The following COL4A5 variants were observed in gnomAD, a reference collection of about 807,000 sequenced individuals.
COL4A5 encodes collagen type IV alpha 5 chain.
A neutral mutation model predicts 130.2 loss-of-function variants in COL4A5; 26 were observed. The ratio of observed to expected loss-of-function variants is 0.20; its 90% CI spans 0.15 to 0.28. The LOEUF is 0.28. Among genes scored for constraint, COL4A5 ranks in the 10% least tolerant of loss-of-function variants. COL4A5 has a pLI of 1.00. For synonymous variants in COL4A5, 496 were observed against 439.6 expected, an observed-to-expected ratio of 1.13 and a Z score of -1.60; for missense variants, 1,131 against 1,344.3, an observed-to-expected ratio of 0.84 and a Z score of 2.48.
chrX:108,548,222 G>A (rs1277801671), intron 2 of COL4A5, among the ~76,000 whole-genome samples: 1 of 111,839 alleles, frequency 8.9e-6, no homozygotes, highest in Non-Finnish European at 1.9e-5. Flanking sequence ...CTGTAGACTG[G>A]GGCTGTTCCT....
At chrX:108,457,366 T>A (rs774746595) in intron 1 of COL4A5, among the ~76,000 whole-genome samples, 24 of 112,040 alleles carry the variant, frequency 2.1e-4, no homozygotes, top group African/African-American at 7.8e-4. Context: ...GTGCATAAAA[T>A]GGGTGAATTT....
chrX:108,634,212 A>AC lies in COL4A5; in HGVS notation c.3246+7864dup, dbSNP rs1334797369. On this transcript the variant is annotated intron_variant, in intron 36 of 52. Transcript: ENST00000328300. ...ATTAGCCAACAAAGAAGAAAGTGCAACAAAAAAAAAAAAAAAGGAAAGTGA... is the reference window on the plus strand; with the variant it reads ...ATTAGCCAACAAAGAAGAAAGTGCAACCAAAAAAAAAAAAAAAGGAAAGTGA... 1.5e-4 allele frequency among the ~76,000 whole-genome samples: 14 copies of AC among 94,320 alleles called. No individual in the cohort carries two copies. The South Asian group carries it at 6.9e-3, about 46-fold the overall frequency. 81.9% of individuals were successfully genotyped at this position (94,320 alleles called of 115,157 possible).
At chrX:108,492,264 G>A (rs746486243) in intron 1 of COL4A5, among the ~76,000 whole-genome samples, 45 of 111,575 alleles carry the variant, frequency 4.0e-4, no homozygotes, top group Non-Finnish European at 7.7e-4. Flanking sequence ...TGTTCCAGGC[G>A]TTTTAGGAAA....
intron 3 of COL4A5, among the ~76,000 whole-genome samples, chrX:108,561,181 T>C (rs1414176839): frequency 1.8e-5 from 2 of 111,941 alleles, no homozygotes; most frequent in Admixed American, 1.9e-4. Flanking sequence ...GGTTCAGCGA[T>C]AGGTGACATA....
rs1569495066 is a variant in COL4A5, at chrX:108,601,977, C to T, written c.2134C>T (p.Pro712Ser). 1 of 1,092,488 alleles carries T rather than the reference C, an allele frequency of 9.2e-7. No homozygotes were observed. The highest frequency in any genetic ancestry group is 1.3e-6 in the Non-Finnish European group (1 of 798,436). 90.0% of individuals were successfully genotyped at this position (1,092,488 alleles called of 1,213,427 possible). The change falls in exon 27 of 53, where the codon CCT (proline) becomes TCT (serine). Residue 712 changes from proline (P) to serine (S), a missense_variant. Transcript: ENST00000328300. ...GIPGIGLPGP[P>S]GPKGFPGIPG... ...CCCTGGAATTGGGCTTCCTGGACCA[C>T]CTGGTCCCAAAGGTATGTTGGAATG...
chrX:108,670,360 G>T, intron 42 of COL4A5, 124 bp downstream of exon 42: 1 of 1,101,931 alleles, frequency 9.1e-7, no homozygotes. Flanking sequence ...CTTACATAGT[G>T]GCTTATCTCT....
chrX:108,654,373 A>G, intron 36 of COL4A5, among the ~76,000 whole-genome samples: 1 of 112,931 alleles, frequency 8.9e-6, no homozygotes, highest in Non-Finnish European at 1.9e-5. Flanking sequence ...TGTAGACATG[A>G]CAGAGTAAGA....
At chrX:108,669,468 G>A (rs1299917890) in intron 41 of COL4A5, among the ~76,000 whole-genome samples, 1 of 111,819 alleles carries the variant, frequency 8.9e-6, no homozygotes, top group Non-Finnish European at 1.9e-5. Context: ...ACTGTGTTCA[G>A]AGGATCATTT....
chrX:108,601,772 C>T (rs918092854), intron 26 of COL4A5, 113 bp from the exon 27 acceptor site: 20 of 525,589 alleles, frequency 3.8e-5, no homozygotes, highest in African/African-American at 1.4e-4. Context: ...CTCAGGTGAC[C>T]CATTGCCTCA....
intron 1 of COL4A5, among the ~76,000 whole-genome samples, chrX:108,524,341 C>A (rs1256972075): frequency 9.2e-6 from 1 of 108,900 alleles, no homozygotes; most frequent in African/African-American, 3.3e-5. Flanking sequence ...AGGAATTTCC[C>A]TGTTATTCTG....
At position 108,696,413 on chromosome X, in the gene COL4A5, G is replaced by C; in HGVS notation, c.*35G>C. Reference sequence around the variant, plus strand: ...GAATTCCTTTTGTGTTTTAAAATGTGATATATATATATATAAAATTCCTAG... The same window carrying C: ...GAATTCCTTTTGTGTTTTAAAATGTCATATATATATATATAAAATTCCTAG... On this transcript the variant is annotated 3_prime_UTR_variant, in exon 53 of 53. Coordinates refer to ENST00000328300, the MANE Select transcript of COL4A5 (RefSeq NM_033380.3). The C allele has an allele frequency of 9.7e-7, 1 of 1,030,011 alleles. No homozygotes were observed. The allele number at this position is 1,030,011 out of a possible 1,213,427, so 84.9% of individuals were successfully genotyped here.
At chrX:108,683,773 A>G (rs2068486596) in intron 47 of COL4A5, among the ~76,000 whole-genome samples, 1 of 111,921 alleles carries the variant, frequency 8.9e-6, no homozygotes, top group African/African-American at 3.3e-5. Flanking sequence ...GAAGTCACTT[A>G]TCAGCTTGAG....
rs34190918 is a variant in COL4A5 at position 108,582,695 on chromosome X, CTTTT to C, written c.937-173_937-170del. The stretch of plus-strand genomic sequence containing the variant: ...GCTCTGAGTTCTCACCAAGATTCAG[CTTTT>C]TTTTTTTTTTTTTTTCTGAGAAAAC... On this transcript the variant is annotated intron_variant, in intron 16 of 52. Coordinates refer to ENST00000328300, the MANE Select transcript of COL4A5 (RefSeq NM_033380.3). 843 of 240,434 alleles carry C rather than the reference CTTTT, an allele frequency of 3.5e-3. 1 individual carries two copies. The highest frequency in any genetic ancestry group is 8.3e-3 in the East Asian group (106 of 12,826). 19.8% of individuals were successfully genotyped at this position (240,434 alleles called of 1,213,427 possible).
intron 1 of COL4A5, among the ~76,000 whole-genome samples, chrX:108,519,671 A>C (rs988370617): frequency 1.8e-5 from 2 of 110,548 alleles, no homozygotes; most frequent in Non-Finnish European, 3.8e-5. Flanking sequence ...CTATGGTTCT[A>C]TTTCTTTTTA....
intron 1 of COL4A5, among the ~76,000 whole-genome samples, chrX:108,502,912 A>G: frequency 8.9e-6 from 1 of 111,950 alleles, no homozygotes; most frequent in Non-Finnish European, 1.9e-5. Context: ...TTGTTCATTT[A>G]GAAAACTTTG....
intron 3 of COL4A5, among the ~76,000 whole-genome samples, chrX:108,561,178 C>T (rs2065893613): frequency 1.8e-5 from 2 of 111,688 alleles, no homozygotes; most frequent in African/African-American, 3.3e-5. Flanking sequence ...CAGGGTTCAG[C>T]GATAGGTGAC....
intron 1 of COL4A5, among the ~76,000 whole-genome samples, chrX:108,503,608 C>G (rs1232076555): frequency 8.9e-6 from 1 of 111,837 alleles, no homozygotes; most frequent in Non-Finnish European, 1.9e-5. Flanking sequence ...CACCACTATG[C>G]ACCAACAACA....
intron 1 of COL4A5, among the ~76,000 whole-genome samples, chrX:108,472,013 C>T (rs1166114260): frequency 9.0e-6 from 1 of 111,247 alleles, no homozygotes; most frequent in African/African-American, 3.3e-5. Flanking sequence ...TCACTACATC[C>T]CATAATTTTT....
intron 1 of COL4A5, among the ~76,000 whole-genome samples, chrX:108,443,259 C>A (rs969840046): frequency 8.9e-6 from 1 of 112,087 alleles, no homozygotes; most frequent in African/African-American, 3.2e-5. Context: ...TAAAAGCAAT[C>A]TAAAAGCAAA....
Sources: gnomAD v4.1 joint callset for allele counts (sites outside exome capture counted in the v4.1 genomes callset) on GRCh38, gnomAD v4.1.1 for gene constraint, MANE v1.5 for transcripts, NCBI Gene and HGNC (gene_info 2026-07-23, HGNC 2026-07-21) for gene names.